The following SNX30 variants were observed in gnomAD, a reference collection of about 807,000 sequenced individuals.
SNX30 encodes the protein sorting nexin family member 30, also known as sorting nexin-30.
In SNX30, 24 loss-of-function variants were observed where a neutral mutation model predicts 46.4. That is an observed-to-expected ratio of 0.52 (90% CI 0.37 to 0.73). The LOEUF is 0.73. SNX30 is among the 30% of genes least tolerant of loss of function. SNX30 has a pLI of 0.00. For missense variants in SNX30, 533 were observed against 555.7 expected, an observed-to-expected ratio of 0.96 and a Z score of 0.41; for synonymous variants, 189 against 211.5, an observed-to-expected ratio of 0.89 and a Z score of 0.92.
rs759639683 is a variant in SNX30 at position 112,836,383 on chromosome 9, C to T, written c.788C>T (p.Ala263Val). Reference protein sequence around the residue: ...ALKLGTIDRIAQRIIKEEIEY... With the variant: ...ALKLGTIDRIVQRIIKEEIEY... ...AAACTGGGAACCATTGATCGAATAG[C>T]CCAGCGGATCATCAAAGAAGAAATA... Residue 263 changes from alanine to valine, a missense_variant, in exon 5 of 9, where the codon GCC (alanine) becomes GTC (valine). Ala to Val is a moderately conservative substitution (Grantham distance 64). Around this residue, in one of 3 missense-constraint regions of SNX30, gnomAD observed 261 missense variants for 270.9 expected, o/e 0.96. Coordinates refer to ENST00000374232, the MANE Select transcript of SNX30 (RefSeq NM_001012994.2). 6.3e-7 allele frequency: 1 copy of T among 1,597,656 alleles called. No homozygotes were observed. The highest frequency in any genetic ancestry group is 8.6e-7 in the Non-Finnish European group (1 of 1,166,082).
At chr9:112,787,377 A>G (rs775579329) in intron 1 of SNX30, among the ~76,000 whole-genome samples, 3 of 152,278 alleles carry the variant, frequency 2.0e-5, no homozygotes, top group Non-Finnish European at 2.9e-5. Context: ...CATTTAGCAC[A>G]TCCTCTTGTG....
chr9:112,834,737 TTC>T (rs887711942), intron 4 of SNX30, among the ~76,000 whole-genome samples: 1 of 152,028 alleles, frequency 6.6e-6, no homozygotes, highest in African/African-American at 2.4e-5. Context: ...GACAGAGAGA[TTC>T]TGTTTCCTGA....
chr9:112,838,111 C>T (rs919859515), intron 5 of SNX30, among the ~76,000 whole-genome samples: 6 of 151,662 alleles, frequency 4.0e-5, no homozygotes, highest in African/African-American at 1.2e-4. Flanking sequence ...AGGATGGTCT[C>T]GATCTCCTGA....
At chr9:112,839,272 C>T (rs563373283) in intron 6 of SNX30, among the ~76,000 whole-genome samples, 9 of 152,246 alleles carry the variant, frequency 5.9e-5, no homozygotes, top group Middle Eastern at 3.4e-3. Flanking sequence ...AGACATAAAT[C>T]GTCTGATTAA....
chr9:112,805,660 G>T (rs142168373), intron 2 of SNX30, among the ~76,000 whole-genome samples: 1 of 152,200 alleles, frequency 6.6e-6, no homozygotes, highest in Non-Finnish European at 1.5e-5. Context: ...GTAGAGACAG[G>T]GTTTCACCTT....
At chr9:112,835,930 G>A (rs1840744147) in intron 4 of SNX30, among the ~76,000 whole-genome samples, 1 of 152,162 alleles carries the variant, frequency 6.6e-6, no homozygotes, top group Non-Finnish European at 1.5e-5. Context: ...GTTAGAAACA[G>A]CATTGTGTTT....
intron 3 of SNX30, among the ~76,000 whole-genome samples, chr9:112,829,701 A>G (rs988727339): frequency 1.1e-4 from 16 of 152,142 alleles, no homozygotes; most frequent in Admixed American, 7.9e-4. Flanking sequence ...CACATTTTAC[A>G]TTCCCACCAG....
At chr9:112,769,656 A>T (rs1326628113) in intron 1 of SNX30, among the ~76,000 whole-genome samples, 4 of 151,924 alleles carry the variant, frequency 2.6e-5, no homozygotes, top group Non-Finnish European at 4.4e-5. Flanking sequence ...CTAGCTCTAA[A>T]TGTTGGACTG....
intron 4 of SNX30, among the ~76,000 whole-genome samples, chr9:112,833,813 C>T (rs1840707301): frequency 6.6e-6 from 1 of 152,102 alleles, no homozygotes; most frequent in Non-Finnish European, 1.5e-5. Flanking sequence ...GGCCTTGTGC[C>T]TTTGAGGATG....
intron 1 of SNX30, among the ~76,000 whole-genome samples, chr9:112,757,137 A>T (rs1390024819): frequency 6.6e-6 from 1 of 152,156 alleles, no homozygotes; most frequent in East Asian, 1.9e-4. Context: ...GTTTACCTAC[A>T]TCTTCCCATT....
intron 1 of SNX30, among the ~76,000 whole-genome samples, chr9:112,776,826 A>G (rs1272419655): frequency 6.6e-6 from 1 of 152,200 alleles, no homozygotes; most frequent in Non-Finnish European, 1.5e-5. Flanking sequence ...AGCAGGCTGG[A>G]TGGACCCTTC....
intron 4 of SNX30, 141 bp downstream of exon 4, chr9:112,831,024 G>A: frequency 1.2e-6 from 1 of 838,880 alleles, no homozygotes; most frequent in Non-Finnish European, 1.7e-6. Flanking sequence ...TGTAGTCCCA[G>A]CTACCTGGGA....
chr9:112,762,420 A>G (rs944594737), intron 1 of SNX30, among the ~76,000 whole-genome samples: 1 of 152,170 alleles, frequency 6.6e-6, no homozygotes, highest in Non-Finnish European at 1.5e-5. Context: ...CTGTAGAGAA[A>G]GATAAAGAAG....
intron 1 of SNX30, among the ~76,000 whole-genome samples, chr9:112,785,011 C>T (rs1023012907): frequency 4.6e-5 from 7 of 152,104 alleles, no homozygotes; most frequent in African/African-American, 9.7e-5. Flanking sequence ...TCTTCTAATA[C>T]GTGGTTTGGG....
At chr9:112,761,700 G>C (rs776761039) in intron 1 of SNX30, among the ~76,000 whole-genome samples, 7 of 152,104 alleles carry the variant, frequency 4.6e-5, no homozygotes, top group Admixed American at 4.6e-4. Context: ...GGCGCAGACC[G>C]GGAAGCACAT....
Position 112,794,397 on chromosome 9 carries a change from C to T in SNX30, c.157-10379C>T, listed in dbSNP as rs1031201619. ...TGAACTCCTGACCTCGTGATCCACC[C>T]GCCTCGACCTCCCAAAGTGCTGGGA... On this transcript the variant is annotated intron_variant, in intron 1 of 8. Coordinates refer to ENST00000374232, the MANE Select transcript of SNX30 (RefSeq NM_001012994.2). Among the ~76,000 whole-genome samples, 5 of 152,224 alleles carry T rather than the reference C, an allele frequency of 3.3e-5. No individual in the cohort carries two copies. The East Asian group carries it at 5.8e-4, about 18-fold the overall frequency.
chr9:112,821,609 C>T (rs1003274167), intron 3 of SNX30, among the ~76,000 whole-genome samples: 3 of 151,728 alleles, frequency 2.0e-5, no homozygotes, highest in Non-Finnish European at 4.4e-5. Context: ...GCCTCAGCCT[C>T]CCTAGTACCT....
At chr9:112,843,507 G>A (rs1220495531) in intron 6 of SNX30, among the ~76,000 whole-genome samples, 1 of 151,904 alleles carries the variant, frequency 6.6e-6, no homozygotes, top group Non-Finnish European at 1.5e-5. Context: ...AAGTCCGAAA[G>A]CTGAAATGAG....
chr9:112,770,253 CCT>C (rs1251194819), intron 1 of SNX30, among the ~76,000 whole-genome samples: 1 of 151,988 alleles, frequency 6.6e-6, no homozygotes. Flanking sequence ...CTCACTGCAA[CCT>C]CTGTTTCCTG....
Sources: gnomAD v4.1 joint callset for allele counts (sites outside exome capture counted in the v4.1 genomes callset) on GRCh38, gnomAD v4.1.1 for gene constraint, gnomAD v4.1.1 regional missense constraint, MANE v1.5 for transcripts, NCBI Gene and HGNC (gene_info 2026-07-23, HGNC 2026-07-21) for gene names.